MTFR1L: variants seen among roughly 807,000 people sequenced by gnomAD.
MTFR1L encodes the protein mitochondrial fission regulator 1 like, also known as mitochondrial fission regulator 1-like.
Under a neutral mutation model 27.9 loss-of-function variants are expected in MTFR1L, and 10 were observed. That is an observed-to-expected ratio of 0.36 (90% CI 0.22 to 0.61). The LOEUF (loss-of-function observed/expected upper bound fraction) is 0.61. Ranked by LOEUF, MTFR1L falls within the 20% of genes least tolerant of loss-of-function variation. The pLI is 0.73. For missense variants in MTFR1L, 315 were observed against 363.7 expected, an observed-to-expected ratio of 0.87 and a Z score of 1.09; for synonymous variants, 151 against 139.4, an observed-to-expected ratio of 1.08 and a Z score of -0.58.
intron 1 of MTFR1L, chr1:25,822,212 G>C (rs1300376023): frequency 1.3e-5 from 2 of 152,234 alleles, no homozygotes; most frequent in Non-Finnish European, 2.9e-5. Flanking sequence ...CTTGCCTGTA[G>C]CTACAAAGCC....
chr1:25,821,319 G>A (rs764066978), intron 1 of MTFR1L, among the ~76,000 whole-genome samples: 1 of 152,218 alleles, frequency 6.6e-6, no homozygotes, highest in Non-Finnish European at 1.5e-5. Context: ...GCAATTTGTG[G>A]CCGACACGGA....
At position 25,832,487 on chromosome 1, in the gene MTFR1L, G is replaced by C; in HGVS notation, c.*461G>C. ...TTTGTATACATGTTCACAGGGCACG[G>C]AAAATCTTATGCTGCTCCGTCATAA... On this transcript the variant is annotated 3_prime_UTR_variant, in exon 7 of 7. Transcript: ENST00000374303. The C allele has an allele frequency of 3.2e-6, 1 of 310,264 alleles. No individual in the cohort carries two copies. The highest frequency in any genetic ancestry group is 6.3e-6 in the Non-Finnish European group (1 of 159,942). 19.2% of individuals were successfully genotyped at this position (310,264 alleles called of 1,614,324 possible).
At chr1:25,831,221 T>C (rs1438604496) in intron 6 of MTFR1L, among the ~76,000 whole-genome samples, 1 of 152,186 alleles carries the variant, frequency 6.6e-6, no homozygotes, top group African/African-American at 2.4e-5. Context: ...TTGGCTCTTA[T>C]ATTTAGCTTA....
chr1:25,829,518 C>T lies in MTFR1L; in HGVS notation c.461C>T (p.Ser154Leu). Residue 154 changes from serine (S) to leucine (L), a missense_variant, in exon 6 of 7, where the codon TCA becomes TTA. Coordinates refer to ENST00000374303, the MANE Select transcript of MTFR1L (RefSeq NM_001099625.2). The stretch of plus-strand genomic sequence containing the variant: ...TTGTTTTCTCTTTCAGCTTCGGCTT[C>T]ATTAACGCCAGATTTCTTATCTCCA... ...KIVAADAASA[S>L]LTPDFLSPGS... 6.2e-7 allele frequency: 1 copy of T among 1,613,006 alleles called. No individual in the cohort carries two copies.
At chr1:25,827,861 G>A (rs2048188286) in intron 5 of MTFR1L, among the ~76,000 whole-genome samples, 1 of 151,940 alleles carries the variant, frequency 6.6e-6, no homozygotes, top group Admixed American at 6.6e-5. Context: ...GAGTAGCTGG[G>A]ATTATAGGCG....
chr1:25,826,152 A>T lies in MTFR1L; in HGVS notation c.130-150A>T. On this transcript the variant is annotated intron_variant, in intron 3 of 6. Transcript: ENST00000374303. The surrounding 1 kb of genome is among the most constrained non-coding windows in gnomAD (Gnocchi z 4.1). The stretch of plus-strand genomic sequence containing the variant: ...CCTGACTGTCATCTGGCCTCTGTTC[A>T]ATGTTTTCGACCAGGAACCTTCTTC... 1 of 623,630 alleles carries T rather than the reference A, an allele frequency of 1.6e-6. No homozygotes were observed. The highest frequency in any genetic ancestry group is 2.9e-6 in the Non-Finnish European group (1 of 349,838). 38.6% of individuals were successfully genotyped at this position (623,630 alleles called of 1,614,324 possible). A position where few individuals can be genotyped will look rare whatever the true frequency, so the allele number is the denominator to read the frequency against.
rs376285461 is a variant in MTFR1L at position 25,826,596 on chromosome 1, T to C, written c.240-19T>C. ...GGCCTGCTGTCTCTAACTGATCTAC[T>C]TGGTTTTCCCTGGTCCAGGAGTGAT... On this transcript the variant is annotated intron_variant, in intron 4 of 6. Coordinates refer to ENST00000374303, the MANE Select transcript of MTFR1L (RefSeq NM_001099625.2). The surrounding 1 kb of genome is among the most constrained non-coding windows in gnomAD (Gnocchi z 4.1). 21 of 1,613,930 alleles carry C rather than the reference T, an allele frequency of 1.3e-5. No individual in the cohort carries two copies. The highest frequency in any genetic ancestry group is 1.8e-5 in the Non-Finnish European group (21 of 1,179,960).
chr1:25,823,055 C>T lies in MTFR1L; in HGVS notation c.-50C>T, dbSNP rs760907241. The T allele has an allele frequency of 4.6e-5, 74 of 1,613,992 alleles. No homozygotes were observed. The highest frequency in any genetic ancestry group is 2.3e-4 in the South Asian group (21 of 91,092). ...TGAAGGAGTCACGCCTCCCGCCTCC[C>T]GGAGCTGCCCAGTGGCTGCCTTGTC... On this transcript the variant is annotated 5_prime_UTR_variant, in exon 2 of 7. Coordinates refer to ENST00000374303, the MANE Select transcript of MTFR1L (RefSeq NM_001099625.2).
In MTFR1L at chr1:25,831,937, A is replaced by G; in HGVS notation, c.790A>G (p.Lys264Glu). 1.9e-6 allele frequency: 3 copies of G among 1,614,156 alleles called. No individual in the cohort carries two copies. Among genetic ancestry groups the G allele is most frequent in the Non-Finnish European group, 2.5e-6 (3 of 1,179,986 alleles). ...TGTCTCTAGGAACCGGAGTTTATTGAAGGAGGAAGACCCTGCTGTGCTTAT... is the reference window on the plus strand; with the variant it reads ...TGTCTCTAGGAACCGGAGTTTATTGGAGGAGGAAGACCCTGCTGTGCTTAT... ...QSQDLNRSLLKEEDPAVLISE... is the reference protein window; with the variant it reads ...QSQDLNRSLLEEEDPAVLISE... Residue 264 changes from lysine (K) to glutamate (E), a missense_variant, in exon 7 of 7, where the codon AAG (lysine) becomes GAG (glutamate). By Grantham distance (56) the Lys-to-Glu change is moderately conservative (BLOSUM62 1). Transcript: ENST00000374303.
chr1:25,830,298 G>A (rs2048221436), intron 6 of MTFR1L, among the ~76,000 whole-genome samples: 2 of 152,218 alleles, frequency 1.3e-5, no homozygotes, highest in Admixed American at 1.3e-4. Context: ...AACAAACCCT[G>A]CACATTCAGT....
Position 25,832,409 on chromosome 1 carries a change from A to ACT in MTFR1L, c.*385_*386dup, listed in dbSNP as rs5773135. The ACT allele has an allele frequency of 0.81, 422,222 of 519,714 alleles. 172,677 individuals carry two copies. Among genetic ancestry groups the ACT allele is most frequent in the East Asian group, 0.97 (29,295 of 30,178 alleles). The allele number at this position is 519,714 out of a possible 1,614,324, so 32.2% of individuals were successfully genotyped here. A position where few individuals can be genotyped will look rare whatever the true frequency, so the allele number is the denominator to read the frequency against. ...GACACTTTGTGCCCAGCTGTCACTC[A>ACT]CTCAGCAGCTTCCTTGCAGCAGAGC... On this transcript the variant is annotated 3_prime_UTR_variant, in exon 7 of 7. Coordinates refer to ENST00000374303, the MANE Select transcript of MTFR1L (RefSeq NM_001099625.2).
At chr1:25,822,473 C>T (rs1243727119) in intron 1 of MTFR1L, 1 of 141,734 alleles carries the variant, frequency 7.1e-6, no homozygotes, top group South Asian at 2.1e-4. Flanking sequence ...CCTCAAGAAA[C>T]CTGAGAGCCC....
At chr1:25,820,725 G>A (rs774312170) in intron 1 of MTFR1L, 1 of 434,122 alleles carries the variant, frequency 2.3e-6, no homozygotes, top group South Asian at 1.6e-5. Flanking sequence ...ACACTTGGGG[G>A]CGGGGGTGAC....
At chr1:25,829,229 T>TA (rs1418123274) in intron 5 of MTFR1L, among the ~76,000 whole-genome samples, 1 of 152,128 alleles carries the variant, frequency 6.6e-6, no homozygotes, top group Non-Finnish European at 1.5e-5. Context: ...CAGCCTATTG[T>TA]GGAATGGGAG....
rs191097468 is a variant in MTFR1L at position 25,827,240 on chromosome 1, A to G, written c.451+414A>G. Among the ~76,000 whole-genome samples, 48 of 150,996 alleles carry G rather than the reference A, an allele frequency of 3.2e-4. 1 individual carries two copies. The East Asian group carries it at 9.4e-3, about 30-fold the overall frequency. On this transcript the variant is annotated intron_variant, in intron 5 of 6. Coordinates refer to ENST00000374303, the MANE Select transcript of MTFR1L (RefSeq NM_001099625.2). Reference sequence around the variant, plus strand: ...GCACTCTGCCTCCCAGGTGCAAGCGATTCTCCTGCCTCAGCCTCCTGAGTA... The same window carrying G: ...GCACTCTGCCTCCCAGGTGCAAGCGGTTCTCCTGCCTCAGCCTCCTGAGTA...
chr1:25,830,973 T>G (rs1463242444), intron 6 of MTFR1L, among the ~76,000 whole-genome samples: 4 of 152,182 alleles, frequency 2.6e-5, no homozygotes, highest in Non-Finnish European at 2.9e-5. Context: ...CTGAGCTGTC[T>G]TCTTCTGAAC....
At chr1:25,820,720 TG>T in intron 1 of MTFR1L, 1 of 431,670 alleles carries the variant, frequency 2.3e-6, no homozygotes, top group African/African-American at 2.1e-5. Context: ...CAGTGACACT[TG>T]GGGGCGGGGG....
rs771220849 is a variant in MTFR1L at position 25,832,058 on chromosome 1, C to T, written c.*32C>T. ...TCAGCTCTGCAAACTCAGTCTCATG[C>T]TCCTGGAATACCTTCAATAGCTGCC... On this transcript the variant is annotated 3_prime_UTR_variant, in exon 7 of 7. Transcript: ENST00000374303. 5.0e-6 allele frequency: 8 copies of T among 1,613,950 alleles called. No homozygotes were observed. Among genetic ancestry groups the T allele is most frequent in the Non-Finnish European group, 6.8e-6 (8 of 1,179,940 alleles).
At position 25,832,253 on chromosome 1, in the gene MTFR1L, A is replaced by G. The variant is rs776538386; in HGVS notation, c.*227A>G. The G allele has an allele frequency of 4.7e-5, 60 of 1,286,432 alleles. No individual in the cohort carries two copies. The highest frequency in any genetic ancestry group is 5.7e-5 in the Non-Finnish European group (53 of 926,732). 79.7% of individuals were successfully genotyped at this position (1,286,432 alleles called of 1,614,324 possible). On this transcript the variant is annotated 3_prime_UTR_variant, in exon 7 of 7. Transcript: ENST00000374303. ...TGACCTGAGACATTTGTTTCAGGTA[A>G]TCGTGTAGAATGAAGTATCTTAGTT...
Sources: gnomAD v4.1 joint callset for allele counts (sites outside exome capture counted in the v4.1 genomes callset) on GRCh38, gnomAD v4.1.1 for gene constraint, Gnocchi (gnomAD v3.1) non-coding constraint, MANE v1.5 for transcripts, NCBI Gene and HGNC (gene_info 2026-07-23, HGNC 2026-07-21) for gene names.